The following MAP3K4 variants were observed in gnomAD, a reference collection of about 807,000 sequenced individuals.
The protein encoded by MAP3K4 is MAP three kinase 1.
MAP3K4 carries 67 observed loss-of-function variants against 185.6 expected under a neutral mutation model. The observed-to-expected ratio is 0.36, with a 90% CI of 0.30 to 0.44. MAP3K4 has a LOEUF of 0.44. MAP3K4 is among the 20% of genes least tolerant of loss of function. The pLI is 1.00. For synonymous variants in MAP3K4, 702 were observed against 710.4 expected (o/e 0.99, Z 0.19); for missense variants, 1,551 against 1,995.1 (o/e 0.78, Z 4.24).
Position 161,096,786 on chromosome 6 carries a change from A to T in MAP3K4, c.3428-294A>T. The T allele has an allele frequency of 3.7e-6, 1 of 266,964 alleles. No individual in the cohort carries two copies. Among genetic ancestry groups the T allele is most frequent in the Non-Finnish European group, 7.1e-6 (1 of 139,964 alleles). 16.5% of individuals were successfully genotyped at this position (266,964 alleles called of 1,614,324 possible). Reference sequence around the variant, plus strand: ...AGATACCACATTTTCATGTATCTCTAAAATGGGTTAAATCATTTGTTTAGC... The same window carrying T: ...AGATACCACATTTTCATGTATCTCTTAAATGGGTTAAATCATTTGTTTAGC... On this transcript the variant is annotated intron_variant, in intron 15 of 26. Coordinates refer to ENST00000392142, the MANE Select transcript of MAP3K4 (RefSeq NM_005922.4). This position sits in a 1 kb window ranked among gnomAD's most constrained non-coding sequence, Gnocchi z 4.9.
chr6:161,048,871 T>C lies in MAP3K4; in HGVS notation c.599T>C (p.Val200Ala), dbSNP rs751335006. ...GGCTGTAGCAATGCTAAGCTTCCAG[T>C]ATCTGTGCCCATGCCTATAGCCAGA... ...SLGCSNAKLP[V>A]SVPMPIARPA... is the part of the protein sequence containing the mutation. The change falls in exon 3 of 27, where the codon GTA (valine) becomes GCA (alanine). Residue 200 changes from valine to alanine, a missense_variant. By Grantham distance (64) the Val-to-Ala change is moderately conservative (BLOSUM62 0). This residue lies in a region of MAP3K4 where 287 missense variants were observed against 268.8 expected (regional missense o/e 1.07). Transcript: ENST00000392142. This position sits in a 1 kb window ranked among gnomAD's most constrained non-coding sequence, Gnocchi z 4.7. 6.2e-7 allele frequency: 1 copy of C among 1,614,224 alleles called. No homozygotes were observed. Among genetic ancestry groups the C allele is most frequent in the South Asian group, 1.1e-5 (1 of 91,090 alleles).
chr6:161,060,991 G>C (rs1784464309), intron 3 of MAP3K4, among the ~76,000 whole-genome samples: 1 of 152,154 alleles, frequency 6.6e-6, no homozygotes, highest in Non-Finnish European at 1.5e-5. Context: ...CAAGACCACT[G>C]TCTGTACCCC....
In MAP3K4 at chr6:161,098,351, G is replaced by A. The variant is rs139506196; in HGVS notation, c.3598G>A (p.Val1200Ile). ...AAAAAAAAAA[V>I]AASRPSPSGG... ...TGCTGCTGCTGCTGCTGCTGCTGCT[G>A]TTGCTGCCAGTCGGCCCAGCCCCTC... The change falls in exon 17 of 27, where the codon GTT becomes ATT. Residue 1200 changes from valine (V) to isoleucine (I), a missense_variant. Around this residue, in one of 16 missense-constraint regions of MAP3K4, gnomAD observed 272 missense variants for 301.2 expected, o/e 0.90. Coordinates refer to ENST00000392142, the MANE Select transcript of MAP3K4 (RefSeq NM_005922.4). The surrounding 1 kb of genome is among the most constrained non-coding windows in gnomAD (Gnocchi z 4.4). The A allele has an allele frequency of 3.1e-6, 5 of 1,612,988 alleles. No individual in the cohort carries two copies. The highest frequency in any genetic ancestry group is 2.7e-5 in the African/African-American group (2 of 74,710).
chr6:161,091,647 TA>T lies in MAP3K4; in HGVS notation c.3135+109del, dbSNP rs1336942625. On this transcript the variant is annotated intron_variant, in intron 12 of 26. Transcript: ENST00000392142. This position sits in a 1 kb window ranked among gnomAD's most constrained non-coding sequence, Gnocchi z 5.5. ...TAAATCTGATATTGTAATCATAGCT[TA>T]ATCAAGAATATCATCTTATATCACT... 38 of 950,694 alleles carry T rather than the reference TA, an allele frequency of 4.0e-5. No homozygotes were observed. Among genetic ancestry groups the T allele is most frequent in the Non-Finnish European group, 9.6e-6 (6 of 626,730 alleles). The allele number at this position is 950,694 out of a possible 1,614,324, so 58.9% of individuals were successfully genotyped here.
chr6:161,036,104 G>A (rs899109476), intron 2 of MAP3K4, among the ~76,000 whole-genome samples: 2 of 152,194 alleles, frequency 1.3e-5, no homozygotes, highest in Non-Finnish European at 2.9e-5. Flanking sequence ...GTCACTAGAT[G>A]TTTGTTGAGG....
Position 161,008,805 on chromosome 6 carries a change from TTCAC to T in MAP3K4, c.152+16726_152+16729del, listed in dbSNP as rs1781712515. Among the ~76,000 whole-genome samples, 1 of 152,174 alleles carries T rather than the reference TTCAC, an allele frequency of 6.6e-6. No individual in the cohort carries two copies. The highest frequency in any genetic ancestry group is 2.4e-5 in the African/African-American group (1 of 41,448). The stretch of plus-strand genomic sequence containing the variant: ...TTACTGATATTTTACATCTACTACT[TTCAC>T]TCAGCATGGTGCTTGTGAGGTTCAT... On this transcript the variant is annotated intron_variant, in intron 1 of 26. Coordinates refer to ENST00000392142, the MANE Select transcript of MAP3K4 (RefSeq NM_005922.4). This position sits in a 1 kb window ranked among gnomAD's most constrained non-coding sequence, Gnocchi z 4.1.
Position 161,034,572 on chromosome 6 carries a change from A to ATTTT in MAP3K4, c.343+129_343+132dup, listed in dbSNP as rs3214734. 466 of 568,760 alleles carry ATTTT rather than the reference A, an allele frequency of 8.2e-4. No homozygotes were observed. Among genetic ancestry groups the ATTTT allele is most frequent in the South Asian group, 2.3e-3 (69 of 29,468 alleles). 35.2% of individuals were successfully genotyped at this position (568,760 alleles called of 1,614,324 possible). Reference sequence around the variant, plus strand: ...GATTTTAATGCTCCTGTAAAGTTCAATTTTTTTTTGAATTATTACCATTAG... The same window carrying ATTTT: ...GATTTTAATGCTCCTGTAAAGTTCAATTTTTTTTTTTTTGAATTATTACCATTAG... On this transcript the variant is annotated intron_variant, in intron 2 of 26. Transcript: ENST00000392142. The surrounding 1 kb of genome is among the most constrained non-coding windows in gnomAD (Gnocchi z 4.4).
Position 161,108,006 on chromosome 6 carries a change from C to T in MAP3K4, c.4119+37C>T, listed in dbSNP as rs577925665. The T allele has an allele frequency of 7.5e-6, 12 of 1,589,858 alleles. No individual in the cohort carries two copies. The highest frequency in any genetic ancestry group is 4.0e-5 in the African/African-American group (3 of 74,478). On this transcript the variant is annotated intron_variant, in intron 21 of 26. Transcript: ENST00000392142. This position sits in a 1 kb window ranked among gnomAD's most constrained non-coding sequence, Gnocchi z 5.7. ...GGCTCCGTGGGGCCTTTGGGCCTGGCGGCTCTGGGTGATAGAAATTCCGTA... is the reference window on the plus strand; with the variant it reads ...GGCTCCGTGGGGCCTTTGGGCCTGGTGGCTCTGGGTGATAGAAATTCCGTA...
chr6:161,088,409 G>C lies in MAP3K4; in HGVS notation c.2823+455G>C, dbSNP rs1438717146. Reference sequence around the variant, plus strand: ...ACTCATTAGTTATAAACTATGAGAAGCTTTCTCATTTATCTGTGTTCAGCT... The same window carrying C: ...ACTCATTAGTTATAAACTATGAGAACCTTTCTCATTTATCTGTGTTCAGCT... On this transcript the variant is annotated intron_variant, in intron 10 of 26. Transcript: ENST00000392142. The surrounding 1 kb of genome is among the most constrained non-coding windows in gnomAD (Gnocchi z 4.5). 6.6e-6 allele frequency among the ~76,000 whole-genome samples: 1 copy of C among 152,106 alleles called. No individual in the cohort carries two copies. The highest frequency in any genetic ancestry group is 1.5e-5 in the Non-Finnish European group (1 of 68,034).
At chr6:161,001,180 A>G (rs1241657073) in intron 1 of MAP3K4, among the ~76,000 whole-genome samples, 1 of 149,218 alleles carries the variant, frequency 6.7e-6, no homozygotes, top group East Asian at 1.9e-4. Context: ...GTACACATAT[A>G]TAAGAAATCC....
chr6:161,013,688 G>A (rs1026184204), intron 1 of MAP3K4, among the ~76,000 whole-genome samples: 4 of 152,212 alleles, frequency 2.6e-5, no homozygotes, highest in African/African-American at 7.2e-5. Flanking sequence ...GTTAAGCTCC[G>A]TGGCTGCTGC....
intron 1 of MAP3K4, among the ~76,000 whole-genome samples, chr6:161,009,325 C>T (rs1306080401): frequency 6.6e-6 from 1 of 152,148 alleles, no homozygotes; most frequent in Non-Finnish European, 1.5e-5. Context: ...TTGTTAAGTA[C>T]ATTTATTTAC....
rs1281444989 is a variant in MAP3K4, at chr6:161,109,328, G to T, written c.4237-427G>T. Among the ~76,000 whole-genome samples, 1 of 152,138 alleles carries T rather than the reference G, an allele frequency of 6.6e-6. No homozygotes were observed. Among genetic ancestry groups the T allele is most frequent in the Non-Finnish European group, 1.5e-5 (1 of 68,028 alleles). Reference sequence around the variant, plus strand: ...AAAGAGGATAACTTGGAGCATCGTGGTGTAGAGCATGAGCTTCCAGGGGAA... The same window carrying T: ...AAAGAGGATAACTTGGAGCATCGTGTTGTAGAGCATGAGCTTCCAGGGGAA... On this transcript the variant is annotated intron_variant, in intron 22 of 26. Coordinates refer to ENST00000392142, the MANE Select transcript of MAP3K4 (RefSeq NM_005922.4). This position sits in a 1 kb window ranked among gnomAD's most constrained non-coding sequence, Gnocchi z 5.7.
chr6:161,067,525 C>T lies in MAP3K4; in HGVS notation c.1708-3083C>T, dbSNP rs920083132. ...TATTTTAGTGGTTATTTTAGAAATT[C>T]TTGCCTGTTAGGGAAACCCAGGTGT... On this transcript the variant is annotated intron_variant, in intron 3 of 26. Transcript: ENST00000392142. This position sits in a 1 kb window ranked among gnomAD's most constrained non-coding sequence, Gnocchi z 6.3. Among the ~76,000 whole-genome samples, 1 of 152,154 alleles carries T rather than the reference C, an allele frequency of 6.6e-6. No homozygotes were observed. Among genetic ancestry groups the T allele is most frequent in the Non-Finnish European group, 1.5e-5 (1 of 68,024 alleles).
Position 161,107,059 on chromosome 6 carries a change from C to A in MAP3K4, c.4048+354C>A, listed in dbSNP as rs956460311. On this transcript the variant is annotated intron_variant, in intron 20 of 26. Transcript: ENST00000392142. This position sits in a 1 kb window ranked among gnomAD's most constrained non-coding sequence, Gnocchi z 6.2. Reference sequence around the variant, plus strand: ...CTCTACACACGCGCGCGCACACACACACACACACACACACACACACGCAGA... The same window carrying A: ...CTCTACACACGCGCGCGCACACACAAACACACACACACACACACACGCAGA... 3.3e-5 allele frequency among the ~76,000 whole-genome samples: 5 copies of A among 151,756 alleles called. No individual in the cohort carries two copies. The highest frequency in any genetic ancestry group is 7.4e-5 in the Non-Finnish European group (5 of 67,936).
Position 161,098,315 on chromosome 6 carries a change from A to C in MAP3K4, c.3562A>C (p.Ser1188Arg). The change falls in exon 17 of 27, where the codon AGC becomes CGC. Residue 1188 changes from serine to arginine, a missense_variant. Ser to Arg is a moderately radical substitution (Grantham distance 110). Coordinates refer to ENST00000392142, the MANE Select transcript of MAP3K4 (RefSeq NM_005922.4). This position sits in a 1 kb window ranked among gnomAD's most constrained non-coding sequence, Gnocchi z 4.4. ...GCCTTCCGACGCGCGGAGCCATGGC[A>C]GCCCTGCTGCTGCTGCTGCTGCTGC... ...SMPSDARSHG[S>R]PAAAAAAAAA... is the part of the protein sequence containing the mutation. The C allele has an allele frequency of 6.4e-7, 1 of 1,562,148 alleles. No individual in the cohort carries two copies.
Position 161,115,332 on chromosome 6 carries a change from AT to A in MAP3K4, c.4806+31del. 2 of 1,576,824 alleles carry A rather than the reference AT, an allele frequency of 1.3e-6. No homozygotes were observed. Among genetic ancestry groups the A allele is most frequent in the Non-Finnish European group, 1.7e-6 (2 of 1,157,300 alleles). On this transcript the variant is annotated intron_variant, in intron 26 of 26. Coordinates refer to ENST00000392142, the MANE Select transcript of MAP3K4 (RefSeq NM_005922.4). This position sits in a 1 kb window ranked among gnomAD's most constrained non-coding sequence, Gnocchi z 6.0. ...GGCAGATTACTGGATAGTCTTTTTC[AT>A]GTTTAAGTGTTTAAGTTCTGTTTTG...
At position 161,063,576 on chromosome 6, in the gene MAP3K4, C is replaced by T. The variant is rs952297955; in HGVS notation, c.1708-7032C>T. 2.8e-4 allele frequency among the ~76,000 whole-genome samples: 43 copies of T among 152,154 alleles called. No individual in the cohort carries two copies. Among genetic ancestry groups the T allele is most frequent in the African/African-American group, 1.0e-3 (42 of 41,432 alleles). The stretch of plus-strand genomic sequence containing the variant: ...TGGACTGTTCTTCTTCCCATGTTCT[C>T]GATCTCCTCTTCTCTTTCCTCCTGT... On this transcript the variant is annotated intron_variant, in intron 3 of 26. Coordinates refer to ENST00000392142, the MANE Select transcript of MAP3K4 (RefSeq NM_005922.4). The surrounding 1 kb of genome is among the most constrained non-coding windows in gnomAD (Gnocchi z 5.4).
At chr6:161,102,664 T>A in intron 18 of MAP3K4, 35 bp from the exon 19 acceptor site, 1 of 1,377,906 alleles carries the variant, frequency 7.3e-7, no homozygotes, top group Non-Finnish European at 1.0e-6. Context: ...ATTTATTTCA[T>A]AAATCTTAAT....
Sources: gnomAD v4.1 joint callset for allele counts (sites outside exome capture counted in the v4.1 genomes callset) on GRCh38, gnomAD v4.1.1 for gene constraint, gnomAD v4.1.1 regional missense constraint, Gnocchi (gnomAD v3.1) non-coding constraint, MANE v1.5 for transcripts, NCBI Gene and HGNC (gene_info 2026-07-23, HGNC 2026-07-21) for gene names.